KCND2: variants seen among roughly 807,000 people sequenced by gnomAD.
The protein encoded by KCND2 is potassium voltage-gated channel subfamily D member 2, also known as A-type voltage-gated potassium channel KCND2.
In KCND2, 16 loss-of-function variants were observed where a neutral mutation model predicts 54.4. The ratio of observed to expected loss-of-function variants is 0.29; its 90% CI spans 0.20 to 0.45. The LOEUF is 0.45. KCND2 is among the 20% of genes least tolerant of loss of function. The pLI is 1.00. For synonymous variants in KCND2, 317 were observed against 310.7 expected (o/e 1.02, Z -0.21); for missense variants, 486 against 824.2 (o/e 0.59, Z 5.02).
At chr7:120,331,372 CTTTT>C (rs938145804) in intron 1 of KCND2, among the ~76,000 whole-genome samples, 1 of 148,332 alleles carries the variant, frequency 6.7e-6, no homozygotes, top group African/African-American at 2.4e-5. Flanking sequence ...TTCCTTATCT[CTTTT>C]TTTTGAAAAA....
chr7:120,393,523 A>G (rs993278532), intron 1 of KCND2, among the ~76,000 whole-genome samples: 1 of 151,982 alleles, frequency 6.6e-6, no homozygotes, highest in African/African-American at 2.4e-5. Context: ...GACGTCTACA[A>G]TGTTGTAGGT....
chr7:120,471,898 G>T (rs1802459395), intron 1 of KCND2, among the ~76,000 whole-genome samples: 1 of 151,848 alleles, frequency 6.6e-6, no homozygotes, highest in South Asian at 2.1e-4. Context: ...AATTTTTAGA[G>T]GGGTGATGGT....
chr7:120,386,671 C>A (rs1198274797), intron 1 of KCND2, among the ~76,000 whole-genome samples: 2 of 152,090 alleles, frequency 1.3e-5, no homozygotes, highest in Non-Finnish European at 2.9e-5. Context: ...AAACACCATT[C>A]ATCACATATG....
At chr7:120,631,013 G>A (rs566623057) in intron 1 of KCND2, among the ~76,000 whole-genome samples, 1 of 152,272 alleles carries the variant, frequency 6.6e-6, no homozygotes, top group East Asian at 1.9e-4. Flanking sequence ...GAGATTAAAT[G>A]TGTTTCTAAC....
At chr7:120,667,802 G>A (rs73423762) in intron 1 of KCND2, among the ~76,000 whole-genome samples, 49,593 of 151,674 alleles carry the variant, frequency 0.33, 9,384 homozygotes, top group African/African-American at 0.48. Flanking sequence ...AAAATAAAAC[G>A]AGAACAAAGA....
intron 1 of KCND2, among the ~76,000 whole-genome samples, chr7:120,505,377 T>C (rs1452963534): frequency 1.3e-5 from 2 of 151,770 alleles, no homozygotes; most frequent in Non-Finnish European, 2.9e-5. Context: ...GTATTTCCTA[T>C]AGTAAAGCAT....
At position 120,741,543 on chromosome 7, in the gene KCND2, C is replaced by A; in HGVS notation, c.1288C>A (p.Leu430Met). The A allele has an allele frequency of 1.2e-6, 2 of 1,611,802 alleles. No individual in the cohort carries two copies. The highest frequency in any genetic ancestry group is 2.2e-5 in the East Asian group (1 of 44,818). The change falls in exon 3 of 6, where the codon CTG becomes ATG. Residue 430 changes from leucine to methionine, a missense_variant. Physicochemically the swap from Leu to Met is conservative, Grantham distance 15. Transcript: ENST00000331113. ...DKRRAQKKARLARIRAAKSGS... is the reference protein window; with the variant it reads ...DKRRAQKKARMARIRAAKSGS... ...ATTTTTTCTCCTATAGAAAGCTAGA[C>A]TGGCCAGGATCCGGGCAGCCAAAAG...
intron 1 of KCND2, among the ~76,000 whole-genome samples, chr7:120,657,900 T>C (rs903858715): frequency 6.6e-6 from 1 of 152,172 alleles, no homozygotes; most frequent in African/African-American, 2.4e-5. Flanking sequence ...CATTTATCCA[T>C]GTGCTTTGCC....
intron 1 of KCND2, among the ~76,000 whole-genome samples, chr7:120,284,038 T>C (rs946612360): frequency 6.6e-6 from 1 of 152,082 alleles, no homozygotes; most frequent in Admixed American, 6.6e-5. Context: ...TAATTGGAAA[T>C]ACATGGGTTT....
intron 1 of KCND2, among the ~76,000 whole-genome samples, chr7:120,577,506 G>C (rs566325576): frequency 6.6e-5 from 10 of 152,192 alleles, no homozygotes; most frequent in African/African-American, 2.2e-4. Context: ...GCCTGTGTAA[G>C]AGAAACTAAG....
intron 1 of KCND2, among the ~76,000 whole-genome samples, chr7:120,631,703 A>G (rs1793236134): frequency 1.3e-5 from 2 of 152,190 alleles, no homozygotes; most frequent in South Asian, 4.1e-4. Flanking sequence ...ATCTGTAAAT[A>G]GAAAATGTGG....
chr7:120,508,298 C>A (rs1215976209), intron 1 of KCND2, among the ~76,000 whole-genome samples: 2 of 151,872 alleles, frequency 1.3e-5, no homozygotes, highest in Non-Finnish European at 2.9e-5. Flanking sequence ...TTCTAAAAAT[C>A]ATTGTTACAT....
chr7:120,333,671 A>C (rs1027456413), intron 1 of KCND2, among the ~76,000 whole-genome samples: 3 of 152,088 alleles, frequency 2.0e-5, no homozygotes, highest in Non-Finnish European at 2.9e-5. Flanking sequence ...ACACTCTAAA[A>C]TTTATTGATT....
chr7:120,672,230 GA>G (rs138930713), intron 1 of KCND2, among the ~76,000 whole-genome samples: 1,852 of 149,924 alleles, frequency 0.012, 29 homozygotes, highest in African/African-American at 0.042. Flanking sequence ...CTTCCTGACA[GA>G]AAAAAAAATC....
intron 1 of KCND2, among the ~76,000 whole-genome samples, chr7:120,414,112 C>T (rs1012402796): frequency 6.6e-6 from 1 of 151,946 alleles, no homozygotes; most frequent in Non-Finnish European, 1.5e-5. Context: ...AATTTCATCT[C>T]ACTTTATCAT....
intron 1 of KCND2, among the ~76,000 whole-genome samples, chr7:120,638,540 C>A (rs774895559): frequency 1.3e-5 from 2 of 152,054 alleles, no homozygotes; most frequent in Non-Finnish European, 2.9e-5. Context: ...CTTGTTCTCT[C>A]AAGGGTGAAA....
intron 1 of KCND2, among the ~76,000 whole-genome samples, chr7:120,592,685 C>G (rs1792686643): frequency 6.6e-6 from 1 of 152,180 alleles, no homozygotes; most frequent in African/African-American, 2.4e-5. Flanking sequence ...ATGCCTCAGC[C>G]TTTGTTCACA....
chr7:120,287,988 C>T (rs1233067793), intron 1 of KCND2, among the ~76,000 whole-genome samples: 4 of 152,064 alleles, frequency 2.6e-5, no homozygotes, highest in Non-Finnish European at 5.9e-5. Flanking sequence ...TATCTTATCA[C>T]GTGCTAAGGT....
chr7:120,709,301 G>A (rs1792509230), intron 1 of KCND2, among the ~76,000 whole-genome samples: 1 of 152,006 alleles, frequency 6.6e-6, no homozygotes, highest in East Asian at 1.9e-4. Flanking sequence ...TCTTTATGTT[G>A]TGTAATACCA....
Sources: allele counts gnomAD v4.1 joint callset (sites outside exome capture counted in the v4.1 genomes callset), GRCh38; gene constraint gnomAD v4.1.1; transcripts MANE v1.5; gene names NCBI Gene and HGNC (gene_info 2026-07-23, HGNC 2026-07-21).